RUNDC3B: variants seen among roughly 807,000 people sequenced by gnomAD.
The protein encoded by RUNDC3B is RUN domain-containing protein 3B.
RUNDC3B carries 33 observed loss-of-function variants against 58.4 expected under a neutral mutation model. That is an observed-to-expected ratio of 0.56 (90% confidence interval 0.43 to 0.75). The LOEUF is 0.75. RUNDC3B is among the 30% of genes least tolerant of loss of function. The pLI is 0.00. For synonymous variants in RUNDC3B, 193 were observed against 195.2 expected (o/e 0.99, Z 0.10); for missense variants, 501 against 535.7 (o/e 0.94, Z 0.64).
intron 8 of RUNDC3B, among the ~76,000 whole-genome samples, chr7:87,792,559 A>T (rs917783038): frequency 1.6e-4 from 24 of 152,184 alleles, no homozygotes; most frequent in Non-Finnish European, 3.4e-4. Flanking sequence ...ATAATGAGAA[A>T]TTTTTGCAAA....
rs540840499 is a variant in RUNDC3B at position 87,802,708 on chromosome 7, A to G, written c.957-4665A>G. Among the ~76,000 whole-genome samples the G allele has an allele frequency of 2.6e-5, 4 of 152,256 alleles. No individual in the cohort carries two copies. The East Asian group carries it at 7.7e-4, about 29-fold the overall frequency. ...CACCTATTATGTACCCACAAAAATT[A>G]AAAATACAAATTAAGGCAAGGCATA... On this transcript the variant is annotated intron_variant, in intron 8 of 10. Coordinates refer to ENST00000394654, the MANE Select transcript of RUNDC3B (RefSeq NM_001134405.2).
intron 8 of RUNDC3B, among the ~76,000 whole-genome samples, chr7:87,792,668 G>A (rs897566735): frequency 1.3e-5 from 2 of 152,010 alleles, no homozygotes; most frequent in Non-Finnish European, 2.9e-5. Flanking sequence ...AAATGTTAAT[G>A]GAAGCAGAAC....
intron 8 of RUNDC3B, among the ~76,000 whole-genome samples, chr7:87,785,948 C>G (rs114309464): frequency 2.0e-4 from 30 of 152,278 alleles, no homozygotes; most frequent in Middle Eastern, 6.8e-3. Flanking sequence ...TTCACTCCCC[C>G]CTTGCTTTGG....
chr7:87,823,803 C>G (rs1162642726), intron 10 of RUNDC3B, among the ~76,000 whole-genome samples: 1 of 151,054 alleles, frequency 6.6e-6, no homozygotes, highest in African/African-American at 2.4e-5. Context: ...CACACACACA[C>G]ACACACACAC....
chr7:87,773,046 G>A (rs748357722), intron 7 of RUNDC3B, among the ~76,000 whole-genome samples: 4 of 151,354 alleles, frequency 2.6e-5, no homozygotes, highest in Non-Finnish European at 5.9e-5. Flanking sequence ...TTCACCAGCC[G>A]GGCCTGGCGA....
At chr7:87,700,773 T>C (rs1828961326) in intron 3 of RUNDC3B, among the ~76,000 whole-genome samples, 2 of 152,220 alleles carry the variant, frequency 1.3e-5, no homozygotes, top group South Asian at 4.1e-4. Flanking sequence ...GACCCTTTCT[T>C]TAATGGGTAC....
rs1369669228 is a variant in RUNDC3B at position 87,715,386 on chromosome 7, ATAATATAATATATTTAATATT to A, written c.458+4752_458+4772del. ...AATTTATAATAATTATATAATCAAT[ATAATATAATATATTTAATATT>A]TAATATAATATATTTAATATATAAT... On this transcript the variant is annotated intron_variant, in intron 4 of 10. Coordinates refer to ENST00000394654, the MANE Select transcript of RUNDC3B (RefSeq NM_001134405.2). 1.4e-3 allele frequency among the ~76,000 whole-genome samples: 151 copies of A among 111,304 alleles called. 3 individuals are homozygous for A. The highest frequency in any genetic ancestry group is 2.6e-3 in the African/African-American group (73 of 28,034). 73.0% of individuals were successfully genotyped at this position (111,304 alleles called of 152,430 possible). A position where few individuals can be genotyped will look rare whatever the true frequency, so the allele number is the denominator to read the frequency against.
At chr7:87,635,719 C>A (rs1392673967) in intron 1 of RUNDC3B, among the ~76,000 whole-genome samples, 1 of 152,180 alleles carries the variant, frequency 6.6e-6, no homozygotes, top group South Asian at 2.1e-4. Flanking sequence ...AACTAGCACC[C>A]AAGTCAAGAG....
chr7:87,628,632 G>A lies in RUNDC3B; in HGVS notation c.-192G>A. ...GTGTGTGTGTGTGTGTGTGGAGCTC[G>A]GGTGCCAAGGGCGAGCCGTCAGTCC... On this transcript the variant is annotated 5_prime_UTR_variant, in exon 1 of 11. Transcript: ENST00000394654. 1 of 370,718 alleles carries A rather than the reference G, an allele frequency of 2.7e-6. No individual in the cohort carries two copies. The highest frequency in any genetic ancestry group is 3.9e-5 in the East Asian group (1 of 25,852). 23.0% of individuals were successfully genotyped at this position (370,718 alleles called of 1,614,324 possible).
intron 10 of RUNDC3B, among the ~76,000 whole-genome samples, chr7:87,819,479 G>A (rs1332542180): frequency 1.3e-5 from 2 of 151,990 alleles, no homozygotes; most frequent in African/African-American, 4.8e-5. Context: ...ACAGATCAAC[G>A]AGACAGAAAG....
At chr7:87,736,792 T>C (rs915589816) in intron 4 of RUNDC3B, among the ~76,000 whole-genome samples, 2 of 143,640 alleles carry the variant, frequency 1.4e-5, no homozygotes, top group African/African-American at 5.1e-5. Flanking sequence ...TACATATACA[T>C]ATATGTATTA....
chr7:87,774,094 G>A (rs1834483936), intron 7 of RUNDC3B, among the ~76,000 whole-genome samples: 1 of 152,070 alleles, frequency 6.6e-6, no homozygotes, highest in South Asian at 2.1e-4. Flanking sequence ...TGTGAATAGT[G>A]CAGTAAAGTT....
At chr7:87,779,983 A>G (rs369683992) in intron 8 of RUNDC3B, among the ~76,000 whole-genome samples, 1 of 152,190 alleles carries the variant, frequency 6.6e-6, no homozygotes, top group South Asian at 2.1e-4. Flanking sequence ...TTATGGCTGC[A>G]TAGTAGTCCA....
intron 6 of RUNDC3B, 93 bp from the exon 7 acceptor site, chr7:87,770,488 G>A (rs191805009): frequency 6.4e-5 from 60 of 938,110 alleles, no homozygotes; most frequent in African/African-American, 4.6e-4. Context: ...AAATATTTTC[G>A]AATTTGTTCA....
chr7:87,728,263 T>C (rs1206233698), intron 4 of RUNDC3B, among the ~76,000 whole-genome samples: 1 of 152,192 alleles, frequency 6.6e-6, no homozygotes, highest in Non-Finnish European at 1.5e-5. Flanking sequence ...TCTTCTGCAA[T>C]ACCATAGAGT....
chr7:87,768,705 T>G (rs1386514153), intron 6 of RUNDC3B, among the ~76,000 whole-genome samples: 1 of 152,202 alleles, frequency 6.6e-6, no homozygotes, highest in Non-Finnish European at 1.5e-5. Context: ...TCCAAGTTCC[T>G]TAATGGTCAG....
In RUNDC3B at chr7:87,646,964, T is replaced by C. The variant is rs150905540; in HGVS notation, c.123-3858T>C. Among the ~76,000 whole-genome samples, 4 of 152,344 alleles carry C rather than the reference T, an allele frequency of 2.6e-5. No individual in the cohort carries two copies. In the East Asian group the frequency reaches 7.7e-4, roughly 29 times the overall value. Reference sequence around the variant, plus strand: ...TTTCCCGTTATTGCATGATAATTTATTCCATTGAGCTCCAGTTGCTGTTGT... The same window carrying C: ...TTTCCCGTTATTGCATGATAATTTACTCCATTGAGCTCCAGTTGCTGTTGT... On this transcript the variant is annotated intron_variant, in intron 1 of 10. Transcript: ENST00000394654.
At chr7:87,727,193 T>C (rs1831286830) in intron 4 of RUNDC3B, among the ~76,000 whole-genome samples, 1 of 152,208 alleles carries the variant, frequency 6.6e-6, no homozygotes, top group African/African-American at 2.4e-5. Flanking sequence ...CTTCCAGTTT[T>C]TGCCCATTCA....
intron 7 of RUNDC3B, among the ~76,000 whole-genome samples, chr7:87,776,686 A>G (rs1489545588): frequency 6.6e-6 from 1 of 152,050 alleles, no homozygotes; most frequent in Non-Finnish European, 1.5e-5. Flanking sequence ...CTGTATATAT[A>G]TGAAATATTC....
Sources: gnomAD v4.1 joint callset for allele counts (sites outside exome capture counted in the v4.1 genomes callset) on GRCh38, gnomAD v4.1.1 for gene constraint, MANE v1.5 for transcripts, NCBI Gene and HGNC (gene_info 2026-07-23, HGNC 2026-07-21) for gene names.